BMPR1A: variants seen among roughly 807,000 people sequenced by gnomAD.
BMPR1A encodes bone morphogenetic protein receptor type-1A.
BMPR1A carries 7 observed loss-of-function variants against 66.0 expected under a neutral mutation model. The observed-to-expected ratio is 0.11, with a 90% CI of 0.06 to 0.20. The LOEUF (loss-of-function observed/expected upper bound fraction) is 0.20, where lower values mean the gene tolerates loss of function less well. BMPR1A is among the 10% of genes least tolerant of loss of function. BMPR1A has a pLI of 1.00. For synonymous variants in BMPR1A, 200 were observed against 229.7 expected (o/e 0.87, Z 1.17); for missense variants, 408 against 669.1 (o/e 0.61, Z 4.31).
At chr10:86,871,245 G>A (rs1039285380) in intron 2 of BMPR1A, among the ~76,000 whole-genome samples, 1 of 152,068 alleles carries the variant, frequency 6.6e-6, no homozygotes, top group African/African-American at 2.4e-5. Context: ...TCAGGACCTG[G>A]CACTTTTCTT....
At chr10:86,855,858 G>T in intron 2 of BMPR1A, 1 of 784,998 alleles carries the variant, frequency 1.3e-6, no homozygotes, top group South Asian at 1.8e-5. Flanking sequence ...CTGTCATTAT[G>T]AGTGCTGGAA....
chr10:86,919,564 G>T (rs1185454733), intron 10 of BMPR1A, 95 bp downstream of exon 10: 1 of 1,503,688 alleles, frequency 6.7e-7, no homozygotes, highest in East Asian at 2.3e-5. Context: ...CTAAAAATGT[G>T]CATATGCTTG....
chr10:86,915,748 C>T (rs557336749), intron 8 of BMPR1A, among the ~76,000 whole-genome samples: 6 of 152,036 alleles, frequency 3.9e-5, no homozygotes, highest in Non-Finnish European at 8.8e-5. Flanking sequence ...ACAAAATTTA[C>T]AAAAGGATTC....
At chr10:86,809,335 G>C (rs1035709804) in intron 1 of BMPR1A, among the ~76,000 whole-genome samples, 4 of 151,116 alleles carry the variant, frequency 2.6e-5, no homozygotes, top group African/African-American at 9.7e-5. Flanking sequence ...TGTCACCCAG[G>C]CTGGAGTGCA....
intron 2 of BMPR1A, among the ~76,000 whole-genome samples, chr10:86,858,766 G>C (rs749345271): frequency 5.3e-5 from 8 of 152,116 alleles, no homozygotes; most frequent in Non-Finnish European, 8.8e-5. Context: ...ACTGATGAAG[G>C]AAATTGAAGC....
intron 1 of BMPR1A, among the ~76,000 whole-genome samples, chr10:86,764,494 G>A (rs936604120): frequency 1.3e-5 from 2 of 152,174 alleles, no homozygotes; most frequent in African/African-American, 4.8e-5. Context: ...GAAGTTGTAC[G>A]TGTATATTTT....
intron 1 of BMPR1A, among the ~76,000 whole-genome samples, chr10:86,805,645 T>TAG (rs945027622): frequency 2.0e-5 from 3 of 152,000 alleles, no homozygotes; most frequent in African/African-American, 7.2e-5. Flanking sequence ...GTATTTTTAG[T>TAG]AGAGACGGGG....
chr10:86,894,218 C>G (rs1257770680), intron 5 of BMPR1A, among the ~76,000 whole-genome samples: 2 of 152,264 alleles, frequency 1.3e-5, no homozygotes, highest in Non-Finnish European at 2.9e-5. Flanking sequence ...ATTGAGCCTT[C>G]TGTCCGCTGA....
chr10:86,832,689 T>G (rs1450712060), intron 1 of BMPR1A, among the ~76,000 whole-genome samples: 1 of 152,196 alleles, frequency 6.6e-6, no homozygotes, highest in Non-Finnish European at 1.5e-5. Flanking sequence ...TATTTTTACA[T>G]TGGCTTCTTT....
At chr10:86,909,736 C>A (rs925797520) in intron 7 of BMPR1A, among the ~76,000 whole-genome samples, 1 of 151,992 alleles carries the variant, frequency 6.6e-6, no homozygotes, top group African/African-American at 2.4e-5. Context: ...CCATGGAGAA[C>A]TGTATGACAT....
At chr10:86,860,009 T>A (rs1842692463) in intron 2 of BMPR1A, among the ~76,000 whole-genome samples, 1 of 152,064 alleles carries the variant, frequency 6.6e-6, no homozygotes, top group African/African-American at 2.4e-5. Flanking sequence ...GGAAATGATC[T>A]AAAATGTCCA....
At chr10:86,779,714 C>G (rs1841406658) in intron 1 of BMPR1A, among the ~76,000 whole-genome samples, 1 of 152,108 alleles carries the variant, frequency 6.6e-6, no homozygotes, top group Admixed American at 6.6e-5. Context: ...ATCCTCCTAC[C>G]TCAACTTCCT....
intron 11 of BMPR1A, 69 bp downstream of exon 11, chr10:86,921,764 A>G (rs1843669280): frequency 3.7e-6 from 6 of 1,603,970 alleles, no homozygotes; most frequent in East Asian, 2.2e-5. Flanking sequence ...CTCCAGTTAT[A>G]TAACTTTTTA....
chr10:86,820,945 T>C (rs766648944), intron 1 of BMPR1A, among the ~76,000 whole-genome samples: 2 of 152,344 alleles, frequency 1.3e-5, no homozygotes, highest in Non-Finnish European at 2.9e-5. Flanking sequence ...TTGGAAAATA[T>C]GGAAAAGTAT....
intron 1 of BMPR1A, among the ~76,000 whole-genome samples, chr10:86,781,623 T>C (rs777067113): frequency 3.3e-5 from 5 of 152,110 alleles, no homozygotes; most frequent in Non-Finnish European, 7.4e-5. Context: ...TTTCTGGCAC[T>C]TTCTCATCTT....
intron 2 of BMPR1A, among the ~76,000 whole-genome samples, chr10:86,853,020 C>T (rs1224326612): frequency 1.3e-5 from 2 of 151,616 alleles, no homozygotes; most frequent in Non-Finnish European, 2.9e-5. Flanking sequence ...AAAGATTGAT[C>T]AAGAAAAAAT....
At chr10:86,888,310 A>G (rs1014001927) in intron 3 of BMPR1A, among the ~76,000 whole-genome samples, 66 of 152,088 alleles carry the variant, frequency 4.3e-4, no homozygotes, top group African/African-American at 1.6e-3. Context: ...CCAACAAAAT[A>G]CAAAAAAATT....
chr10:86,796,043 T>C (rs1021546115), intron 1 of BMPR1A, among the ~76,000 whole-genome samples: 1 of 152,202 alleles, frequency 6.6e-6, no homozygotes, highest in African/African-American at 2.4e-5. Context: ...TCTTTTGTTC[T>C]GTTTCCTTGC....
At chr10:86,778,770 A>G (rs577790888) in intron 1 of BMPR1A, among the ~76,000 whole-genome samples, 3 of 151,436 alleles carry the variant, frequency 2.0e-5, no homozygotes, top group East Asian at 3.9e-4. Flanking sequence ...TACCCTTCCT[A>G]TCCTCTGTTC....
Sources: gnomAD v4.1 joint callset for allele counts (sites outside exome capture counted in the v4.1 genomes callset) on GRCh38, gnomAD v4.1.1 for gene constraint, MANE v1.5 for transcripts, NCBI Gene and HGNC (gene_info 2026-07-23, HGNC 2026-07-21) for gene names.